The following B3GAT2 variants were observed in gnomAD, a reference collection of about 807,000 sequenced individuals.
The protein encoded by B3GAT2 is galactosylgalactosylxylosylprotein 3-beta-glucuronosyltransferase 2.
Under a neutral mutation model 27.8 loss-of-function variants are expected in B3GAT2, and 26 were observed. That is an observed-to-expected ratio of 0.93 (90% CI 0.68 to 1.30). The LOEUF (loss-of-function observed/expected upper bound fraction) is 1.30, where lower values mean the gene tolerates loss of function less well. Among genes scored for constraint, B3GAT2 ranks in the 50% most tolerant of loss-of-function variants. B3GAT2 has a pLI of 0.00. For missense variants in B3GAT2, 458 were observed against 459.0 expected (o/e 1.00, Z 0.02); for synonymous variants, 218 against 195.1 (o/e 1.12, Z -0.98).
chr6:70,872,404 T>G (rs897073825), intron 2 of B3GAT2, among the ~76,000 whole-genome samples: 1 of 151,958 alleles, frequency 6.6e-6, no homozygotes, highest in Non-Finnish European at 1.5e-5. Context: ...TATATCTTCT[T>G]GACAGAGTGA....
chr6:70,946,342 C>T (rs966734706), intron 1 of B3GAT2, among the ~76,000 whole-genome samples: 38 of 152,112 alleles, frequency 2.5e-4, no homozygotes, highest in African/African-American at 7.7e-4. Context: ...ACCCATCTCA[C>T]GTGCAGAGAC....
chr6:70,893,889 C>G (rs943466943), intron 2 of B3GAT2, among the ~76,000 whole-genome samples: 1 of 152,126 alleles, frequency 6.6e-6, no homozygotes, highest in Admixed American at 6.6e-5. Context: ...GATAAAGGCA[C>G]AGACAGGGGA....
chr6:70,948,108 G>A (rs9717444), intron 1 of B3GAT2, among the ~76,000 whole-genome samples: 102,034 of 143,862 alleles, frequency 0.71, 36,486 homozygotes, highest in African/African-American at 0.76. Flanking sequence ...TCTATGACAA[G>A]CCCACAGCCA....
intron 2 of B3GAT2, among the ~76,000 whole-genome samples, chr6:70,876,825 C>T (rs2150025399): frequency 6.6e-6 from 1 of 152,234 alleles, no homozygotes; most frequent in African/African-American, 2.4e-5. Context: ...GATATGGGCA[C>T]AGCTGTGCCA....
Position 70,859,414 on chromosome 6 carries a change from T to C in B3GAT2, c.*2249A>G, listed in dbSNP as rs1421203832. On this transcript the variant is annotated 3_prime_UTR_variant, in exon 4 of 4. Coordinates refer to ENST00000230053, the MANE Select transcript of B3GAT2 (RefSeq NM_080742.3). Reference sequence around the variant, plus strand: ...ACAAGGTGGTTAAAATGTCCTTTAGTAGGTATGAAGACGTGATCTGCTTCT... The same window carrying C: ...ACAAGGTGGTTAAAATGTCCTTTAGCAGGTATGAAGACGTGATCTGCTTCT... 6.5e-7 allele frequency: 1 copy of C among 1,544,594 alleles called. No homozygotes were observed. Among genetic ancestry groups the C allele is most frequent in the East Asian group, 2.4e-5 (1 of 40,856 alleles).
intron 1 of B3GAT2, among the ~76,000 whole-genome samples, chr6:70,937,486 G>C (rs1231746982): frequency 1.3e-5 from 2 of 150,572 alleles, no homozygotes; most frequent in South Asian, 2.1e-4. Context: ...TGATGAACAT[G>C]GATGCAAAAA....
chr6:70,924,587 C>T (rs1772922902), intron 1 of B3GAT2, among the ~76,000 whole-genome samples: 1 of 152,022 alleles, frequency 6.6e-6, no homozygotes, highest in Admixed American at 6.6e-5. Context: ...ATAGAGAGCC[C>T]AGAAATAAAC....
chr6:70,920,397 C>G (rs1157369933), intron 1 of B3GAT2, among the ~76,000 whole-genome samples: 1 of 152,228 alleles, frequency 6.6e-6, no homozygotes, highest in Non-Finnish European at 1.5e-5. Flanking sequence ...GGATGCCCCG[C>G]CCTGCTTCGG....
intron 1 of B3GAT2, among the ~76,000 whole-genome samples, chr6:70,900,232 C>T (rs1772474397): frequency 6.6e-6 from 1 of 152,168 alleles, no homozygotes; most frequent in Admixed American, 6.5e-5. Flanking sequence ...GACCCAATGG[C>T]TACAAAGGAC....
chr6:70,937,543 G>C (rs1196103457), intron 1 of B3GAT2, among the ~76,000 whole-genome samples: 6 of 152,038 alleles, frequency 3.9e-5, no homozygotes, highest in Admixed American at 3.9e-4. Flanking sequence ...ACATCAAAAA[G>C]CTTATTCACC....
In B3GAT2 at chr6:70,956,469, G is replaced by A; in HGVS notation, c.-40C>T. ...GGCCTCTCGGACACCCCAGAGAGGG[G>A]CGAGCCGAGGGACCCCAGTGCGCAG... On this transcript the variant is annotated 5_prime_UTR_variant, in exon 1 of 4. Coordinates refer to ENST00000230053, the MANE Select transcript of B3GAT2 (RefSeq NM_080742.3). 1 of 1,549,298 alleles carries A rather than the reference G, an allele frequency of 6.5e-7. No individual in the cohort carries two copies. The highest frequency in any genetic ancestry group is 1.4e-5 in the African/African-American group (1 of 73,132).
chr6:70,955,732 A>G, intron 1 of B3GAT2, 107 bp downstream of exon 1: 2 of 1,283,676 alleles, frequency 1.6e-6, no homozygotes, highest in Non-Finnish European at 2.1e-6. Context: ...CGGAGAACTG[A>G]GAACTCAAAA....
intron 1 of B3GAT2, among the ~76,000 whole-genome samples, chr6:70,905,597 G>A (rs968777762): frequency 4.6e-5 from 7 of 152,122 alleles, no homozygotes; most frequent in African/African-American, 1.7e-4. Context: ...CAAGGGTCCC[G>A]AGTTCTTTAA....
rs1771594987 is a variant in B3GAT2 at position 70,859,381 on chromosome 6, G to A, written c.*2282C>T. On this transcript the variant is annotated 3_prime_UTR_variant, in exon 4 of 4. Transcript: ENST00000230053. ...CAGCACTCCATCAGTGCAATCTACTGGCCAATGACAAGGTGGTTAAAATGT... is the reference window on the plus strand; with the variant it reads ...CAGCACTCCATCAGTGCAATCTACTAGCCAATGACAAGGTGGTTAAAATGT... 2 of 1,549,350 alleles carry A rather than the reference G, an allele frequency of 1.3e-6. No individual in the cohort carries two copies. Among genetic ancestry groups the A allele is most frequent in the East Asian group, 2.4e-5 (1 of 40,848 alleles).
intron 1 of B3GAT2, among the ~76,000 whole-genome samples, chr6:70,954,414 C>A (rs746629608): frequency 3.9e-5 from 6 of 152,174 alleles, no homozygotes; most frequent in Non-Finnish European, 5.9e-5. Flanking sequence ...AATTACTGTG[C>A]CTTTTATTCA....
chr6:70,945,351 G>C (rs1045330727), intron 1 of B3GAT2, among the ~76,000 whole-genome samples: 4 of 152,124 alleles, frequency 2.6e-5, no homozygotes, highest in Admixed American at 6.5e-5. Context: ...TGTATAACTA[G>C]AATAACCAAT....
chr6:70,878,625 TATC>T (rs1041111026), intron 2 of B3GAT2, among the ~76,000 whole-genome samples: 1 of 152,178 alleles, frequency 6.6e-6, no homozygotes, highest in African/African-American at 2.4e-5. Flanking sequence ...TTAGTGTGGT[TATC>T]ATGTTTGGTT....
intron 1 of B3GAT2, among the ~76,000 whole-genome samples, chr6:70,949,347 A>G (rs1765542175): frequency 6.6e-6 from 1 of 152,252 alleles, no homozygotes; most frequent in African/African-American, 2.4e-5. Flanking sequence ...ATGAACTCAA[A>G]CAAATTTACA....
In B3GAT2 at chr6:70,936,809, C is replaced by T. The variant is rs550422316; in HGVS notation, c.591+19030G>A. On this transcript the variant is annotated intron_variant, in intron 1 of 3. Transcript: ENST00000230053. The stretch of plus-strand genomic sequence containing the variant: ...GCCCACAAGAGAAAGCAGGAAAGAT[C>T]CAAAATTGACACCCTAACATCACAA... Among the ~76,000 whole-genome samples, 646 of 152,016 alleles carry T rather than the reference C, an allele frequency of 4.2e-3. 3 individuals carry two copies. The highest frequency in any genetic ancestry group is 6.8e-3 in the Non-Finnish European group (465 of 68,002).
Sources: gnomAD v4.1 joint callset for allele counts (sites outside exome capture counted in the v4.1 genomes callset) on GRCh38, gnomAD v4.1.1 for gene constraint, MANE v1.5 for transcripts, NCBI Gene and HGNC (gene_info 2026-07-23, HGNC 2026-07-21) for gene names.